Variants in LIFR observed in about 807,000 individuals in gnomAD.
LIFR encodes leukemia inhibitory factor receptor.
Under a neutral mutation model 122.2 loss-of-function variants are expected in LIFR, and 84 were observed. The observed-to-expected ratio is 0.69, with a 90% CI of 0.58 to 0.82. The LOEUF (loss-of-function observed/expected upper bound fraction) is 0.82. Ranked by LOEUF, LIFR falls within the 40% of genes least tolerant of loss-of-function variation. The probability of loss-of-function intolerance (pLI) is 0.00; values close to 1 mark genes in which losing one functional copy is unlikely to be tolerated. For synonymous variants in LIFR, 422 were observed against 434.7 expected, an observed-to-expected ratio of 0.97 and a Z score of 0.36; for missense variants, 1,294 against 1,311.6, an observed-to-expected ratio of 0.99 and a Z score of 0.21.
upstream of LIFR, chr5:38,556,724 G>GC (rs1294989736): frequency 7.3e-6 from 1 of 136,882 alleles, no homozygotes; most frequent in African/African-American, 2.6e-5. Context: ...ACCCGCCCCT[G>GC]CCCCCGGCCC....
In LIFR at chr5:38,475,654, CTT is replaced by C. The variant is rs986926057; in HGVS notation, c.*5939_*5940del. On this transcript the variant is annotated 3_prime_UTR_variant, in exon 20 of 20. Coordinates refer to ENST00000453190, the MANE Select transcript of LIFR (RefSeq NM_001127671.2). ...CTACAAACCTTATAAAAGACAGAAACTTATATCTGTTCACAGTATGTGTATTT... is the reference window on the plus strand; with the variant it reads ...CTACAAACCTTATAAAAGACAGAAACATATCTGTTCACAGTATGTGTATTT... The C allele has an allele frequency of 2.4e-4, 44 of 186,486 alleles. No individual in the cohort carries two copies. The highest frequency in any genetic ancestry group is 3.9e-3 in the Middle Eastern group (2 of 518). 11.6% of individuals were successfully genotyped at this position (186,486 alleles called of 1,614,324 possible). A position where few individuals can be genotyped will look rare whatever the true frequency, so the allele number is the denominator to read the frequency against.
intron 1 of LIFR, among the ~76,000 whole-genome samples, chr5:38,566,203 C>T (rs925156343): frequency 2.6e-5 from 4 of 151,914 alleles, no homozygotes; most frequent in Admixed American, 6.6e-5. Context: ...TCTCAATGAC[C>T]GAAGGTTAAT....
In LIFR at chr5:38,548,003, C is replaced by T. The variant is rs190443876; in HGVS notation, c.-20+8331G>A. 3.4e-3 allele frequency among the ~76,000 whole-genome samples: 511 copies of T among 152,130 alleles called. 2 individuals carry two copies. The highest frequency in any genetic ancestry group is 5.1e-3 in the Non-Finnish European group (347 of 67,994). On this transcript the variant is annotated intron_variant, in intron 1 of 19. Transcript: ENST00000453190. The stretch of plus-strand genomic sequence containing the variant: ...CATCATATATATGGTCTGTTACTGA[C>T]CTAAACATCTTTCTATGGTACACGA...
Position 38,496,519 on chromosome 5 carries a change from G to A in LIFR, c.1748C>T (p.Ser583Phe), listed in dbSNP as rs193221561. 5 of 1,613,840 alleles carry A rather than the reference G, an allele frequency of 3.1e-6. No homozygotes were observed. The Admixed American group carries it at 8.3e-5, about 27-fold the overall frequency. ...VSCSSDEETQ[S>F]LSEIPDPQHK... is the part of the protein sequence containing the mutation. Reference sequence around the variant, plus strand: ...CTGAGGATCAGGGATTTCAGAAAGGGACTGTGTTTCCTCATCTGATGAACA... The same window carrying A: ...CTGAGGATCAGGGATTTCAGAAAGGAACTGTGTTTCCTCATCTGATGAACA... Residue 583 changes from serine (S) to phenylalanine (F), a missense_variant, in exon 13 of 20, where the codon TCC (serine) becomes TTC (phenylalanine). Physicochemically the swap from Ser to Phe is radical, Grantham distance 155. Coordinates refer to ENST00000453190, the MANE Select transcript of LIFR (RefSeq NM_001127671.2).
intron 2 of LIFR, among the ~76,000 whole-genome samples, chr5:38,601,566 T>C (rs1750222621): frequency 6.6e-6 from 1 of 151,660 alleles, no homozygotes; most frequent in Non-Finnish European, 1.5e-5. Flanking sequence ...ACTTATAGGG[T>C]CACGAACAGT....
intron 1 of LIFR, among the ~76,000 whole-genome samples, chr5:38,592,246 G>T (rs1749943579): frequency 6.6e-6 from 1 of 151,940 alleles, no homozygotes; most frequent in South Asian, 2.1e-4. Context: ...GGAGTATAGA[G>T]TTTTAAACAG....
chr5:38,539,105 C>A (rs993689798), intron 1 of LIFR, among the ~76,000 whole-genome samples: 3 of 152,100 alleles, frequency 2.0e-5, no homozygotes, highest in Non-Finnish European at 2.9e-5. Flanking sequence ...GGACTACAGG[C>A]GCCTGCCACT....
At chr5:38,499,369 T>G in intron 12 of LIFR, 144 bp downstream of exon 12, 1 of 653,062 alleles carries the variant, frequency 1.5e-6, no homozygotes, top group South Asian at 1.8e-5. Context: ...ATTTGGGGGG[T>G]TTAGGAACCA....
chr5:38,599,798 G>A (rs1453904079), upstream of LIFR, among the ~76,000 whole-genome samples: 3 of 151,978 alleles, frequency 2.0e-5, no homozygotes, highest in Non-Finnish European at 4.4e-5. Context: ...GGAAATAGCT[G>A]TAAACCAAAA....
intron 4 of LIFR, among the ~76,000 whole-genome samples, chr5:38,525,128 C>A (rs1746609257): frequency 6.6e-6 from 1 of 152,080 alleles, no homozygotes; most frequent in Non-Finnish European, 1.5e-5. Context: ...AGTAATGTAT[C>A]CTTGAAAATC....
chr5:38,485,582 G>A, intron 17 of LIFR: 3 of 573,876 alleles, frequency 5.2e-6, no homozygotes, highest in Non-Finnish European at 6.2e-6. Flanking sequence ...GACTTCAGAT[G>A]TATCCCAAAT....
At chr5:38,539,105 C>T (rs993689798) in intron 1 of LIFR, among the ~76,000 whole-genome samples, 25 of 152,100 alleles carry the variant, frequency 1.6e-4, no homozygotes, top group Admixed American at 2.6e-4. Context: ...GGACTACAGG[C>T]GCCTGCCACT....
intron 1 of LIFR, among the ~76,000 whole-genome samples, chr5:38,579,923 G>C (rs1412586249): frequency 6.6e-6 from 1 of 152,154 alleles, no homozygotes; most frequent in Non-Finnish European, 1.5e-5. Context: ...GAACACATAA[G>C]AGGTGACTCT....
intron 1 of LIFR, among the ~76,000 whole-genome samples, chr5:38,543,681 T>C (rs778497021): frequency 5.3e-5 from 8 of 152,234 alleles, no homozygotes; most frequent in Non-Finnish European, 2.9e-5. Flanking sequence ...TGTTCATCAA[T>C]TTGGGATTGA....
In LIFR at chr5:38,487,925, T is replaced by C. The variant is rs73077461; in HGVS notation, c.2335+1153A>G. 0.021 allele frequency among the ~76,000 whole-genome samples: 3,214 copies of C among 152,284 alleles called. 212 individuals are homozygous for C. In the East Asian group the frequency reaches 0.25, roughly 12 times the overall value. On this transcript the variant is annotated intron_variant, in intron 16 of 19. Coordinates refer to ENST00000453190, the MANE Select transcript of LIFR (RefSeq NM_001127671.2). ...GACTGCCCACACAGATTTCACAATC[T>C]TCCACTCATTTAAGTCATTTGCCCC...
At chr5:38,510,380 C>G in intron 7 of LIFR, 84 bp downstream of exon 7, 1 of 432,868 alleles carries the variant, frequency 2.3e-6, no homozygotes, top group South Asian at 4.4e-5. Context: ...ACTCCTCCCA[C>G]CCCCCCACTC....
intron 5 of LIFR, among the ~76,000 whole-genome samples, chr5:38,521,911 C>T (rs1179907866): frequency 1.3e-5 from 2 of 151,990 alleles, no homozygotes; most frequent in Non-Finnish European, 2.9e-5. Context: ...TTCCTAGGTC[C>T]ATAGGCTGTA....
Position 38,490,242 on chromosome 5 carries a change from T to A in LIFR, c.2115A>T (p.Arg705Ser). The A allele has an allele frequency of 6.3e-7, 1 of 1,588,322 alleles. No individual in the cohort carries two copies. Among genetic ancestry groups the A allele is most frequent in the Admixed American group, 1.7e-5 (1 of 59,516 alleles). Residue 705 changes from arginine to serine, a missense_variant, in exon 15 of 20, where the codon AGA becomes AGT. By Grantham distance (110) the Arg-to-Ser change is moderately radical. Coordinates refer to ENST00000453190, the MANE Select transcript of LIFR (RefSeq NM_001127671.2). Reference sequence around the variant, plus strand: ...AGCGTAATAATTGATATCCTTGATTTCTGCATCCATACAGGAAAAAATTAT... The same window carrying A: ...AGCGTAATAATTGATATCCTTGATTACTGCATCCATACAGGAAAAAATTAT... ...IRYNFFLYGC[R>S]NQGYQLLRSM...
chr5:38,524,193 T>C (rs904206108), intron 4 of LIFR, among the ~76,000 whole-genome samples: 2 of 152,066 alleles, frequency 1.3e-5, no homozygotes, highest in African/African-American at 4.8e-5. Context: ...GTGTCAAGAG[T>C]CTCTCGTGCT....
Sources: gnomAD v4.1 joint callset for allele counts (sites outside exome capture counted in the v4.1 genomes callset) on GRCh38, gnomAD v4.1.1 for gene constraint, MANE v1.5 for transcripts, NCBI Gene and HGNC (gene_info 2026-07-23, HGNC 2026-07-21) for gene names.